Variants in CRISPLD2 observed in about 807,000 individuals in gnomAD.
The protein encoded by CRISPLD2 is cysteine rich secretory protein LCCL domain containing 2.
In CRISPLD2, 47 loss-of-function variants were observed where a neutral mutation model predicts 71.1. The observed-to-expected ratio is 0.66, with a 90% confidence interval of 0.52 to 0.84. The LOEUF (loss-of-function observed/expected upper bound fraction) is 0.84, where lower values mean the gene tolerates loss of function less well. Ranked by LOEUF, CRISPLD2 falls within the 40% of genes least tolerant of loss-of-function variation. The pLI is 0.00. For synonymous variants in CRISPLD2, 317 were observed against 250.1 expected, an observed-to-expected ratio of 1.27 and a Z score of -2.52; for missense variants, 830 against 651.1, an observed-to-expected ratio of 1.27 and a Z score of -2.99.
At chr16:84,894,495 G>A (rs542578713) in intron 14 of CRISPLD2, among the ~76,000 whole-genome samples, 34 of 152,256 alleles carry the variant, frequency 2.2e-4, no homozygotes, top group South Asian at 2.1e-4. Context: ...CAGCCCCTGC[G>A]CTAGGGACTG....
At chr16:84,853,556 C>T (rs895126543) in intron 5 of CRISPLD2, among the ~76,000 whole-genome samples, 11 of 152,340 alleles carry the variant, frequency 7.2e-5, no homozygotes, top group African/African-American at 9.6e-5. Context: ...TCGGTGAGGC[C>T]AGGGTGCTTC....
rs1917580645 is a variant in CRISPLD2 at position 84,867,731 on chromosome 16, T to G, written c.853+691T>G. Among the ~76,000 whole-genome samples, 6 of 152,352 alleles carry G rather than the reference T, an allele frequency of 3.9e-5. No individual in the cohort carries two copies. The South Asian group carries it at 1.2e-3, about 32-fold the overall frequency. ...ACAGGTGCCCACCACTATGCCCAGC[T>G]AATTTTTGTATTTTTAGTAGAGAAA... On this transcript the variant is annotated intron_variant, in intron 7 of 14. Transcript: ENST00000262424.
chr16:84,868,132 C>G (rs1475187462), intron 7 of CRISPLD2, among the ~76,000 whole-genome samples: 1 of 152,150 alleles, frequency 6.6e-6, no homozygotes, highest in Non-Finnish European at 1.5e-5. Context: ...CTTTTCATAA[C>G]TACCATCTCC....
intron 5 of CRISPLD2, among the ~76,000 whole-genome samples, chr16:84,854,353 G>C (rs1041284683): frequency 6.6e-6 from 1 of 152,164 alleles, no homozygotes; most frequent in African/African-American, 2.4e-5. Context: ...TTACACATTT[G>C]AGAAATGGCT....
At chr16:84,844,610 G>A (rs974868957) in intron 2 of CRISPLD2, among the ~76,000 whole-genome samples, 3 of 151,918 alleles carry the variant, frequency 2.0e-5, no homozygotes, top group African/African-American at 4.8e-5. Flanking sequence ...TGATCTGCCC[G>A]CCTCAGCCTC....
In CRISPLD2 at chr16:84,880,582, G is replaced by A. The variant is rs765014952; in HGVS notation, c.1303G>A (p.Asp435Asn). 1 of 1,613,230 alleles carries A rather than the reference G, an allele frequency of 6.2e-7. No individual in the cohort carries two copies. The change falls in exon 13 of 15, where the codon GAT becomes AAT. Residue 435 changes from aspartate (D) to asparagine (N), a missense_variant and splice_region_variant. Asp to Asn is a conservative substitution (Grantham distance 23). Coordinates refer to ENST00000262424, the MANE Select transcript of CRISPLD2 (RefSeq NM_031476.4). ...GGTGTTTGGAACCAACATCTATGCA[G>A]ATGTGAGTAGGATGCATTTTCAACA... ...APVFGTNIYA[D>N]TSSICKTAVH...
chr16:84,824,366 C>G (rs115610002), intron 1 of CRISPLD2, among the ~76,000 whole-genome samples: 62 of 152,328 alleles, frequency 4.1e-4, no homozygotes, highest in African/African-American at 1.5e-3. Context: ...GAGAACAGCT[C>G]ACTCTAGAAT....
intron 14 of CRISPLD2, among the ~76,000 whole-genome samples, chr16:84,900,473 T>G (rs1248977588): frequency 3.3e-5 from 5 of 151,964 alleles, no homozygotes; most frequent in African/African-American, 1.2e-4. Context: ...CAAATGAAAA[T>G]GATATCTGGA....
chr16:84,860,709 C>A (rs1323504593), intron 6 of CRISPLD2, among the ~76,000 whole-genome samples: 1 of 152,168 alleles, frequency 6.6e-6, no homozygotes, highest in Non-Finnish European at 1.5e-5. Context: ...AGGGTCCTCC[C>A]ACACTTCCCC....
At chr16:84,868,101 C>T (rs966573010) in intron 7 of CRISPLD2, among the ~76,000 whole-genome samples, 2 of 152,214 alleles carry the variant, frequency 1.3e-5, no homozygotes, top group African/African-American at 4.8e-5. Context: ...CTCACACCCG[C>T]CTTCTCAGAG....
chr16:84,872,918 T>C, intron 9 of CRISPLD2, 74 bp from the exon 10 acceptor site: 1 of 1,529,694 alleles, frequency 6.5e-7, no homozygotes, highest in South Asian at 1.3e-5. Context: ...AGGACAAATG[T>C]TTGGGTATTT....
chr16:84,827,996 T>C (rs1019760457), intron 1 of CRISPLD2, among the ~76,000 whole-genome samples: 3 of 152,212 alleles, frequency 2.0e-5, no homozygotes, highest in Non-Finnish European at 2.9e-5. Flanking sequence ...CTTCGGTATT[T>C]ACCTGTCCGC....
intron 3 of CRISPLD2, among the ~76,000 whole-genome samples, chr16:84,848,245 C>T (rs1192502485): frequency 6.6e-6 from 1 of 152,206 alleles, no homozygotes; most frequent in Non-Finnish European, 1.5e-5. Context: ...TCACTGTGTG[C>T]ACGCCTTTCT....
intron 11 of CRISPLD2, among the ~76,000 whole-genome samples, chr16:84,875,232 C>T (rs914870675): frequency 2.0e-5 from 3 of 150,002 alleles, no homozygotes; most frequent in African/African-American, 7.5e-5. Flanking sequence ...CAGAGCAAGA[C>T]CCTGTCTCAA....
At chr16:84,895,018 G>T (rs544655136) in intron 14 of CRISPLD2, among the ~76,000 whole-genome samples, 1 of 152,350 alleles carries the variant, frequency 6.6e-6, no homozygotes, top group Non-Finnish European at 1.5e-5. Flanking sequence ...TGGGACATGA[G>T]GTTCTCTGTG....
At chr16:84,894,898 C>T (rs1339753661) in intron 14 of CRISPLD2, among the ~76,000 whole-genome samples, 9 of 151,952 alleles carry the variant, frequency 5.9e-5, no homozygotes, top group African/African-American at 1.9e-4. Flanking sequence ...GGTCAGGTGA[C>T]TGAAGATCTC....
chr16:84,838,901 T>G, intron 2 of CRISPLD2, 166 bp downstream of exon 2: 2 of 947,390 alleles, frequency 2.1e-6, no homozygotes, highest in Non-Finnish European at 3.3e-6. Flanking sequence ...TTTGTTTGTT[T>G]GTTTTGAGAC....
chr16:84,849,318 C>CT, intron 3 of CRISPLD2, 67 bp from the exon 4 acceptor site: 2 of 1,480,030 alleles, frequency 1.4e-6, no homozygotes, highest in Non-Finnish European at 9.2e-7. Flanking sequence ...CTGCCCGTGG[C>CT]TGCTGCTGTC....
At position 84,873,041 on chromosome 16, in the gene CRISPLD2, AG is replaced by A; in HGVS notation, c.1034del (p.Gly345GlufsTer16). 1 of 1,613,906 alleles carries A rather than the reference AG, an allele frequency of 6.2e-7. No homozygotes were observed. Among genetic ancestry groups the A allele is most frequent in the Non-Finnish European group, 8.5e-7 (1 of 1,179,940 alleles). On this transcript the variant is annotated frameshift_variant, in exon 10 of 15. Transcript: ENST00000262424. LOFTEE classifies it high-confidence loss of function. ...AAIHYGILDDKGGLVDITRNG... is the reference protein window; with the variant it reads ...AAIHYGILDDXGGLVDITRNG... ...ATCCACTACGGGATCCTGGATGACA[AG>A]GGAGGCCTGGTGGATATCACCAGGA...
Sources: allele counts gnomAD v4.1 joint callset (sites outside exome capture counted in the v4.1 genomes callset), GRCh38; gene constraint gnomAD v4.1.1; transcripts MANE v1.5; gene names NCBI Gene and HGNC (gene_info 2026-07-23, HGNC 2026-07-21).